The following DMD variants were observed in gnomAD, a reference collection of about 807,000 sequenced individuals.
DMD encodes the protein dystrophin.
A neutral mutation model predicts 330.1 loss-of-function variants in DMD; 63 were observed. The observed-to-expected ratio is 0.19, with a 90% CI of 0.16 to 0.24. The LOEUF is 0.24. DMD is among the 10% of genes least tolerant of loss of function. The pLI is 1.00. For missense variants in DMD, 3,344 were observed against 2,684.1 expected, an observed-to-expected ratio of 1.25 and a Z score of -5.43; for synonymous variants, 1,223 against 959.8, an observed-to-expected ratio of 1.27 and a Z score of -5.07.
rs766297318 is a variant in DMD at position 31,483,116 on chromosome X, G to A, written c.8548-4013C>T. On this transcript the variant is annotated intron_variant, in intron 57 of 78. Coordinates refer to ENST00000357033, the MANE Select transcript of DMD (RefSeq NM_004006.3). ...GGCTGGAGTGCAGTGGCGCAATCTC[G>A]GCTCACTGCAAGCTCCACCTCCCAG... is the stretch of plus-strand genomic sequence containing the variant. Among the ~76,000 whole-genome samples, 17 of 98,027 alleles carry A rather than the reference G, an allele frequency of 1.7e-4. No homozygotes were observed. In the East Asian group the frequency reaches 3.2e-3, roughly 18 times the overall value. The allele number at this position is 98,027 out of a possible 115,157, so 85.1% of individuals were successfully genotyped here.
In DMD at chrX:32,565,819, T is replaced by A; in HGVS notation, c.1875A>T (p.Gln625His). ...QSMGKLYSLKQDLLSTLKNKS... is the reference protein window; with the variant it reads ...QSMGKLYSLKHDLLSTLKNKS... ...TATTCTTCAGTGTTGAAAGAAGATC[T>A]TGTTTGAGTGAATACAGTTTGCCCA... The change falls in exon 16 of 79, where the codon CAA becomes CAT. Residue 625 changes from glutamine to histidine, a missense_variant. Physicochemically the swap from Gln to His is conservative, Grantham distance 24. Coordinates refer to ENST00000357033, the MANE Select transcript of DMD (RefSeq NM_004006.3). 8.3e-7 allele frequency: 1 copy of A among 1,211,489 alleles called. No individual in the cohort carries two copies. The highest frequency in any genetic ancestry group is 1.1e-6 in the Non-Finnish European group (1 of 895,215).
At chrX:32,057,619 A>G (rs2096187831) in intron 44 of DMD, among the ~76,000 whole-genome samples, 1 of 112,060 alleles carries the variant, frequency 8.9e-6, no homozygotes, top group Non-Finnish European at 1.9e-5. Context: ...GAAGATGACA[A>G]AAATAAATGG....
At chrX:32,864,476 A>C (rs762281464) in intron 2 of DMD, among the ~76,000 whole-genome samples, 4 of 112,353 alleles carry the variant, frequency 3.6e-5, no homozygotes, top group Admixed American at 9.5e-5. Context: ...ATAGTTTAAT[A>C]TATCTTTTCT....
At chrX:32,085,255 T>C (rs1019313264) in intron 44 of DMD, among the ~76,000 whole-genome samples, 2 of 111,038 alleles carry the variant, frequency 1.8e-5, no homozygotes, top group African/African-American at 6.5e-5. Context: ...TGCATATGTA[T>C]GTATGCATAC....
In DMD at chrX:31,564,266, T is replaced by C. The variant is rs752389127; in HGVS notation, c.8218-56813A>G. 2.7e-5 allele frequency among the ~76,000 whole-genome samples: 3 copies of C among 111,939 alleles called. No homozygotes were observed. In the East Asian group the frequency reaches 8.4e-4, roughly 31 times the overall value. The stretch of plus-strand genomic sequence containing the variant: ...TTGTGGTATTTCACTATTGCAGTCA[T>C]AGGAAACAAATACATTCTTTATGTA... On this transcript the variant is annotated intron_variant, in intron 55 of 78. Coordinates refer to ENST00000357033, the MANE Select transcript of DMD (RefSeq NM_004006.3).
rs182717860 is a variant in DMD at position 31,392,335 on chromosome X, C to A, written c.9085-43701G>T. Among the ~76,000 whole-genome samples the A allele has an allele frequency of 4.3e-3, 479 of 112,634 alleles. 3 individuals carry two copies. Among genetic ancestry groups the A allele is most frequent in the Non-Finnish European group, 6.4e-3 (340 of 53,337 alleles). ...TGAATGAAACTGTTGAGCTAATAAA[C>A]CAATTTTGGGTATATCTTTCTCTTA... is the stretch of plus-strand genomic sequence containing the variant. On this transcript the variant is annotated intron_variant, in intron 60 of 78. Transcript: ENST00000357033.
chrX:32,253,638 T>C (rs2097286110), intron 43 of DMD, among the ~76,000 whole-genome samples: 1 of 107,452 alleles, frequency 9.3e-6, no homozygotes, highest in African/African-American at 3.4e-5. Flanking sequence ...TTTTTTTTTT[T>C]TTTGAGATGT....
intron 1 of DMD, among the ~76,000 whole-genome samples, chrX:33,282,576 C>T (rs890458543): frequency 7.2e-5 from 8 of 111,670 alleles, no homozygotes; most frequent in African/African-American, 9.8e-5. Context: ...AAGAGGCTTC[C>T]GAGGTTGGGC....
intron 48 of DMD, among the ~76,000 whole-genome samples, chrX:31,858,981 C>A (rs1603502254): frequency 8.9e-6 from 1 of 111,847 alleles, no homozygotes; most frequent in East Asian, 2.8e-4. Flanking sequence ...ATTTAGAATT[C>A]TAAGTGTTCT....
chrX:33,021,434 GAT>G (rs766755092), intron 1 of DMD, among the ~76,000 whole-genome samples: 1 of 111,051 alleles, frequency 9.0e-6, no homozygotes, highest in East Asian at 2.8e-4. Flanking sequence ...GCATCTGAGA[GAT>G]ATTTAAAATT....
chrX:31,989,160 G>C (rs761424026), intron 44 of DMD, among the ~76,000 whole-genome samples: 11 of 111,683 alleles, frequency 9.8e-5, no homozygotes, highest in Non-Finnish European at 2.1e-4. Context: ...ACCCACACAA[G>C]GGAGAACAAT....
In DMD at chrX:31,759,672, A is replaced by G. The variant is rs58275487; in HGVS notation, c.7542+14288T>C. On this transcript the variant is annotated intron_variant, in intron 51 of 78. Transcript: ENST00000357033. ...AATAATTAATCAATATTCTAAATATAAATTACTATATGTAAAGCAGTAATC... is the reference window on the plus strand; with the variant it reads ...AATAATTAATCAATATTCTAAATATGAATTACTATATGTAAAGCAGTAATC... Among the ~76,000 whole-genome samples, 62 of 111,917 alleles carry G rather than the reference A, an allele frequency of 5.5e-4. 1 individual carries two copies. The highest frequency in any genetic ancestry group is 1.8e-3 in the African/African-American group (56 of 30,850).
intron 60 of DMD, among the ~76,000 whole-genome samples, chrX:31,383,324 G>A (rs1474231653): frequency 8.9e-6 from 1 of 112,163 alleles, no homozygotes; most frequent in Non-Finnish European, 1.9e-5. Context: ...AAGCTTTATT[G>A]CTCACACAAA....
At chrX:31,619,340 T>C (rs1603427871) in intron 55 of DMD, among the ~76,000 whole-genome samples, 3 of 111,181 alleles carry the variant, frequency 2.7e-5, no homozygotes, top group African/African-American at 9.8e-5. Context: ...AGGATCAAAT[T>C]AGAAAATGAC....
rs1357741994 is a variant in DMD, at chrX:31,923,685, A to C, written c.6912+5911T>G. On this transcript the variant is annotated intron_variant, in intron 47 of 78. Coordinates refer to ENST00000357033, the MANE Select transcript of DMD (RefSeq NM_004006.3). ...TGATCTTGGCTCACTGCAACCTCCT[A>C]CTCCCTGGTTCAAGTGATTCTCCTG... Among the ~76,000 whole-genome samples, 7 of 97,693 alleles carry C rather than the reference A, an allele frequency of 7.2e-5. No individual in the cohort carries two copies. In the East Asian group the frequency reaches 1.9e-3, roughly 26 times the overall value. The allele number at this position is 97,693 out of a possible 115,157, so 84.8% of individuals were successfully genotyped here. A position where few individuals can be genotyped will look rare whatever the true frequency, so the allele number is the denominator to read the frequency against.
chrX:31,692,133 T>C (rs1433820549), intron 52 of DMD, among the ~76,000 whole-genome samples: 1 of 111,521 alleles, frequency 9.0e-6, no homozygotes, highest in Non-Finnish European at 1.9e-5. Flanking sequence ...TTAAGAAATA[T>C]GTGGAAACTA....
rs762285101 is a variant in DMD, at chrX:32,573,725, G to A, written c.1704+20C>T. ...TATCCCCCCGTGTCTTTTACAGCTA[G>A]TTTCTCACACATGACACACCTGTTC... On this transcript the variant is annotated intron_variant, in intron 14 of 78. Coordinates refer to ENST00000357033, the MANE Select transcript of DMD (RefSeq NM_004006.3). 8.3e-6 allele frequency: 10 copies of A among 1,200,694 alleles called. No homozygotes were observed. In the African/African-American group the frequency reaches 1.6e-4, roughly 19 times the overall value.
chrX:31,251,995 G>GATGCA (rs1396445910), intron 63 of DMD, among the ~76,000 whole-genome samples: 2 of 112,027 alleles, frequency 1.8e-5, no homozygotes, highest in Non-Finnish European at 3.8e-5. Context: ...AGCTTGGAGA[G>GATGCA]ATGCAATTCA....
intron 55 of DMD, among the ~76,000 whole-genome samples, chrX:31,510,747 G>A (rs1427743589): frequency 9.1e-6 from 1 of 110,043 alleles, no homozygotes; most frequent in Non-Finnish European, 1.9e-5. Context: ...CTGACCTCGT[G>A]ATCCGCCCAC....
Sources: gnomAD v4.1 joint callset for allele counts (sites outside exome capture counted in the v4.1 genomes callset) on GRCh38, gnomAD v4.1.1 for gene constraint, MANE v1.5 for transcripts, NCBI Gene and HGNC (gene_info 2026-07-23, HGNC 2026-07-21) for gene names.